Variants in WDPCP observed in about 807,000 individuals in gnomAD.
WDPCP encodes WD repeat-containing and planar cell polarity effector protein fritz homolog.
In WDPCP, 71 loss-of-function variants were observed where a neutral mutation model predicts 93.1. That is an observed-to-expected ratio of 0.76 (90% CI 0.63 to 0.93). The LOEUF is 0.93. Ranked by LOEUF, WDPCP falls within the 40% of genes least tolerant of loss-of-function variation. The pLI, the probability that WDPCP is intolerant of heterozygous loss-of-function variation, is 0.00. For synonymous variants in WDPCP, 315 were observed against 315.0 expected, an observed-to-expected ratio of 1.00 and a Z score of 0.00; for missense variants, 844 against 887.4, an observed-to-expected ratio of 0.95 and a Z score of 0.62.
intron 1 of WDPCP, among the ~76,000 whole-genome samples, chr2:63,500,843 A>C (rs2106006557): frequency 6.6e-6 from 1 of 152,360 alleles, no homozygotes; most frequent in Middle Eastern, 3.4e-3. Context: ...AATTGTCTAT[A>C]ATACTAAAAA....
At chr2:63,278,946 T>C (rs1241834438) in intron 13 of WDPCP, among the ~76,000 whole-genome samples, 2 of 152,138 alleles carry the variant, frequency 1.3e-5, no homozygotes, top group Non-Finnish European at 2.9e-5. Flanking sequence ...CAGGGAGATA[T>C]ATAAACTCTG....
chr2:63,239,874 C>T (rs1679725749), intron 14 of WDPCP, among the ~76,000 whole-genome samples: 1 of 152,062 alleles, frequency 6.6e-6, no homozygotes, highest in South Asian at 2.1e-4. Flanking sequence ...CTAAGGAAAT[C>T]CTCTAAGAGA....
At chr2:63,528,154 C>T (rs1048170957) in intron 1 of WDPCP, among the ~76,000 whole-genome samples, 4 of 152,120 alleles carry the variant, frequency 2.6e-5, no homozygotes, top group African/African-American at 9.7e-5. Flanking sequence ...AATTTTCTCC[C>T]ATTCTGTAGG....
chr2:63,789,791 C>A (rs1670519785), intron 2 of WDPCP, among the ~76,000 whole-genome samples: 1 of 152,116 alleles, frequency 6.6e-6, no homozygotes, highest in African/African-American at 2.4e-5. Flanking sequence ...TTATGTTTCT[C>A]ATTTGAAGAA....
chr2:63,785,325 A>G (rs1029388143), intron 2 of WDPCP, among the ~76,000 whole-genome samples: 1 of 152,120 alleles, frequency 6.6e-6, no homozygotes, highest in Non-Finnish European at 1.5e-5. Context: ...CTGGCTACTT[A>G]GCATGAATTC....
chr2:63,158,387 T>C (rs1481183662), intron 15 of WDPCP, among the ~76,000 whole-genome samples: 1 of 152,204 alleles, frequency 6.6e-6, no homozygotes, highest in Non-Finnish European at 1.5e-5. Context: ...TTTTCTTATA[T>C]ATTATGACAT....
At chr2:63,228,586 C>T (rs1678521291) in intron 14 of WDPCP, 1 of 151,800 alleles carries the variant, frequency 6.6e-6, no homozygotes, top group African/African-American at 2.4e-5. Context: ...TCCCCCCTAC[C>T]CCCACCACAC....
chr2:63,371,490 C>G (rs543621012), intron 12 of WDPCP, among the ~76,000 whole-genome samples: 1 of 152,092 alleles, frequency 6.6e-6, no homozygotes, highest in East Asian at 1.9e-4. Context: ...CAATTCCTTA[C>G]AATAATCTAC....
In WDPCP at chr2:63,234,468, CAA is replaced by C. The variant is rs748814902; in HGVS notation, c.1915+24837_1915+24838del. Among the ~76,000 whole-genome samples, 111 of 152,126 alleles carry C rather than the reference CAA, an allele frequency of 7.3e-4. 1 individual carries two copies. The highest frequency in any genetic ancestry group is 1.3e-3 in the Non-Finnish European group (86 of 67,986). ...GATTTCATCTCTTAAAAAAATGATGCAAGTAATCCCTTTGAAAGCTGGAATGT... is the reference window on the plus strand; with the variant it reads ...GATTTCATCTCTTAAAAAAATGATGCGTAATCCCTTTGAAAGCTGGAATGT... On this transcript the variant is annotated intron_variant, in intron 14 of 17. Coordinates refer to ENST00000272321, the MANE Select transcript of WDPCP (RefSeq NM_015910.7).
intron 15 of WDPCP, among the ~76,000 whole-genome samples, chr2:63,162,156 T>A (rs1371251046): frequency 6.6e-6 from 1 of 152,164 alleles, no homozygotes; most frequent in East Asian, 1.9e-4. Context: ...GACCAAATTG[T>A]CTTACAGTAT....
chr2:63,142,735 A>T (rs1015063668), intron 17 of WDPCP, among the ~76,000 whole-genome samples: 1 of 150,232 alleles, frequency 6.7e-6, no homozygotes, highest in African/African-American at 2.4e-5. Context: ...TGTAGGTCTT[A>T]GGTCTATTCT....
chr2:63,765,936 C>T (rs1454998965), intron 2 of WDPCP, among the ~76,000 whole-genome samples: 2 of 152,208 alleles, frequency 1.3e-5, no homozygotes, highest in Admixed American at 1.3e-4. Flanking sequence ...CACATCAGGG[C>T]CAGGCTTCCT....
chr2:63,664,971 T>C (rs1575742157), intron 2 of WDPCP, among the ~76,000 whole-genome samples: 3 of 152,278 alleles, frequency 2.0e-5, no homozygotes, highest in Non-Finnish European at 4.4e-5. Flanking sequence ...ATGGAGAGGA[T>C]GAAGATGGCA....
At chr2:63,301,424 C>T (rs1422372973) in intron 13 of WDPCP, among the ~76,000 whole-genome samples, 1 of 152,168 alleles carries the variant, frequency 6.6e-6, no homozygotes, top group Non-Finnish European at 1.5e-5. Context: ...GTAAACGCTT[C>T]AGCACAGGCC....
intron 12 of WDPCP, among the ~76,000 whole-genome samples, chr2:63,340,834 G>A (rs947826518): frequency 4.6e-5 from 7 of 152,084 alleles, no homozygotes; most frequent in African/African-American, 1.7e-4. Flanking sequence ...GGGAGTTAAG[G>A]CAGCTTGCAT....
intron 2 of WDPCP, chr2:63,717,240 C>G (rs1381668353): frequency 1.9e-6 from 1 of 532,218 alleles, no homozygotes; most frequent in East Asian, 4.9e-5. Flanking sequence ...TATTGGCTGA[C>G]CTGATGCGTA....
intron 8 of WDPCP, among the ~76,000 whole-genome samples, chr2:63,437,052 C>T (rs1697182256): frequency 1.3e-5 from 2 of 151,908 alleles, no homozygotes; most frequent in Non-Finnish European, 2.9e-5. Flanking sequence ...GTATCCTACC[C>T]TAGAAAGCTA....
At chr2:63,629,650 T>TA (rs1352277606) in intron 3 of WDPCP, among the ~76,000 whole-genome samples, 1 of 152,166 alleles carries the variant, frequency 6.6e-6, no homozygotes, top group African/African-American at 2.4e-5. Context: ...GAAGTATCAG[T>TA]AAAGGCTTAG....
chr2:63,362,281 G>GTGTGTGTGTGTGTT, intron 12 of WDPCP, among the ~76,000 whole-genome samples: 1 of 103,314 alleles, frequency 9.7e-6, no homozygotes, highest in East Asian at 4.9e-4. Flanking sequence ...TTTTGGTTGT[G>GTGTGTGTGTGTGTT]TGTGTGTGTG....
Sources: gnomAD v4.1 joint callset for allele counts (sites outside exome capture counted in the v4.1 genomes callset) on GRCh38, gnomAD v4.1.1 for gene constraint, MANE v1.5 for transcripts, NCBI Gene and HGNC (gene_info 2026-07-23, HGNC 2026-07-21) for gene names.